SPAG16: variants seen among roughly 807,000 people sequenced by gnomAD.
The protein encoded by SPAG16 is sperm-associated antigen 16 protein.
A neutral mutation model predicts 80.4 loss-of-function variants in SPAG16; 86 were observed. The ratio of observed to expected loss-of-function variants is 1.07; its 90% CI spans 0.90 to 1.28. The LOEUF (loss-of-function observed/expected upper bound fraction) is 1.28. SPAG16 is among the 50% of genes most tolerant of loss of function. SPAG16 has a pLI of 0.00. For synonymous variants in SPAG16, 294 were observed against 265.9 expected, an observed-to-expected ratio of 1.11 and a Z score of -1.03; for missense variants, 870 against 765.3, an observed-to-expected ratio of 1.14 and a Z score of -1.61.
intron 11 of SPAG16, among the ~76,000 whole-genome samples, chr2:213,895,021 T>G (rs1326028407): frequency 1.4e-5 from 1 of 71,908 alleles, no homozygotes; most frequent in Non-Finnish European, 2.7e-5. Flanking sequence ...AAAAAAAAAC[T>G]GAAAGACTCT....
chr2:214,272,824 G>A (rs533417207), intron 15 of SPAG16, among the ~76,000 whole-genome samples: 13 of 151,444 alleles, frequency 8.6e-5, no homozygotes, highest in African/African-American at 3.1e-4. Flanking sequence ...GGATGGCTGG[G>A]TCAAATGGTA....
chr2:213,388,201 C>T (rs1356063598), intron 9 of SPAG16, among the ~76,000 whole-genome samples: 3 of 152,204 alleles, frequency 2.0e-5, no homozygotes, highest in Non-Finnish European at 4.4e-5. Context: ...AAAAAGCATC[C>T]TGTCCTGCAA....
intron 10 of SPAG16, among the ~76,000 whole-genome samples, chr2:213,774,012 CCT>C (rs1169086400): frequency 2.6e-5 from 4 of 152,120 alleles, no homozygotes; most frequent in South Asian, 4.1e-4. Flanking sequence ...CTTTTAGAAT[CCT>C]CTGTCTGTTC....
intron 10 of SPAG16, among the ~76,000 whole-genome samples, chr2:213,751,741 A>C (rs2068086218): frequency 6.6e-6 from 1 of 152,200 alleles, no homozygotes; most frequent in Non-Finnish European, 1.5e-5. Flanking sequence ...AAGAATAAAC[A>C]AGGGTATCTG....
At chr2:213,640,861 G>A (rs937834759) in intron 10 of SPAG16, among the ~76,000 whole-genome samples, 15 of 152,156 alleles carry the variant, frequency 9.9e-5, no homozygotes, top group African/African-American at 3.6e-4. Flanking sequence ...GTAATGGCTT[G>A]AGTTGGTTGG....
intron 13 of SPAG16, among the ~76,000 whole-genome samples, chr2:214,088,779 C>T (rs1339523872): frequency 2.0e-5 from 3 of 152,018 alleles, no homozygotes; most frequent in Non-Finnish European, 4.4e-5. Flanking sequence ...TGAGTCCTCT[C>T]ACCCGTTAAG....
chr2:213,650,743 T>C (rs2062990125), intron 10 of SPAG16, among the ~76,000 whole-genome samples: 1 of 152,202 alleles, frequency 6.6e-6, no homozygotes, highest in African/African-American at 2.4e-5. Context: ...TTACAGGTTC[T>C]ACAGACAAGG....
chr2:213,772,145 A>C (rs1217288299), intron 10 of SPAG16, among the ~76,000 whole-genome samples: 1 of 152,162 alleles, frequency 6.6e-6, no homozygotes, highest in Non-Finnish European at 1.5e-5. Flanking sequence ...TTCTCATTGA[A>C]GAGGTCCTTC....
chr2:213,799,814 G>A (rs768796919), intron 10 of SPAG16, among the ~76,000 whole-genome samples: 2 of 151,720 alleles, frequency 1.3e-5, no homozygotes, highest in Admixed American at 6.6e-5. Context: ...TATGGGTTCC[G>A]GGGTCAGAAA....
intron 12 of SPAG16, among the ~76,000 whole-genome samples, chr2:213,990,635 C>A (rs1204103814): frequency 6.6e-6 from 1 of 152,108 alleles, no homozygotes; most frequent in Non-Finnish European, 1.5e-5. Flanking sequence ...GGAAGGGGAT[C>A]ATCCTAAAGG....
At chr2:213,799,199 A>C (rs890048428) in intron 10 of SPAG16, among the ~76,000 whole-genome samples, 1 of 152,184 alleles carries the variant, frequency 6.6e-6, no homozygotes, top group Middle Eastern at 3.2e-3. Context: ...CTTCTGATAC[A>C]TGAACATAGG....
At chr2:213,676,050 C>T (rs1458046462) in intron 10 of SPAG16, among the ~76,000 whole-genome samples, 1 of 152,126 alleles carries the variant, frequency 6.6e-6, no homozygotes, top group Non-Finnish European at 1.5e-5. Flanking sequence ...TTTGTATCCT[C>T]TTTTATTTCA....
At chr2:213,865,374 T>G (rs1352201366) in intron 11 of SPAG16, among the ~76,000 whole-genome samples, 1 of 151,894 alleles carries the variant, frequency 6.6e-6, no homozygotes, top group African/African-American at 2.4e-5. Context: ...AAATGAATAC[T>G]GAGTCAAAGA....
chr2:213,801,769 C>T (rs960649309), intron 10 of SPAG16, among the ~76,000 whole-genome samples: 5 of 152,104 alleles, frequency 3.3e-5, no homozygotes, highest in Admixed American at 6.5e-5. Context: ...ACTGAATTTA[C>T]GTGTCAATAT....
At chr2:214,237,823 C>T (rs1021550562) in intron 15 of SPAG16, among the ~76,000 whole-genome samples, 1 of 151,810 alleles carries the variant, frequency 6.6e-6, no homozygotes, top group Non-Finnish European at 1.5e-5. Context: ...TTTTAAAGAA[C>T]TTGGAAAAAG....
At chr2:213,855,842 G>A (rs1202485880) in intron 10 of SPAG16, among the ~76,000 whole-genome samples, 1 of 152,074 alleles carries the variant, frequency 6.6e-6, no homozygotes. Context: ...TTGACATGTG[G>A]GGATTATTAT....
At chr2:213,615,749 A>T (rs1406192473) in intron 10 of SPAG16, among the ~76,000 whole-genome samples, 3 of 152,186 alleles carry the variant, frequency 2.0e-5, no homozygotes, top group Non-Finnish European at 4.4e-5. Context: ...GTTTTGTGTA[A>T]ATAGCTGCAA....
chr2:213,899,013 A>G (rs1312630454), intron 11 of SPAG16, among the ~76,000 whole-genome samples: 1 of 152,116 alleles, frequency 6.6e-6, no homozygotes, highest in African/African-American at 2.4e-5. Context: ...TGAATCTCAT[A>G]TTTCAGTGTG....
intron 7 of SPAG16, among the ~76,000 whole-genome samples, chr2:213,361,052 G>T (rs1440581269): frequency 6.6e-6 from 1 of 151,718 alleles, no homozygotes; most frequent in East Asian, 1.9e-4. Context: ...TAAAATTTTT[G>T]ATTATTATCT....
Sources: gnomAD v4.1 joint callset for allele counts (sites outside exome capture counted in the v4.1 genomes callset) on GRCh38, gnomAD v4.1.1 for gene constraint, MANE v1.5 for transcripts, NCBI Gene and HGNC (gene_info 2026-07-23, HGNC 2026-07-21) for gene names.